CSGALNACT2: variants seen among roughly 807,000 people sequenced by gnomAD.
CSGALNACT2 encodes the protein chondroitin sulfate N-acetylgalactosaminyltransferase 2.
A neutral mutation model predicts 55.3 loss-of-function variants in CSGALNACT2; 35 were observed. The observed-to-expected ratio is 0.63, with a 90% CI of 0.48 to 0.84. The LOEUF (loss-of-function observed/expected upper bound fraction) is 0.84, where lower values mean the gene tolerates loss of function less well. Ranked by LOEUF, CSGALNACT2 falls within the 40% of genes least tolerant of loss-of-function variation. CSGALNACT2 has a pLI of 0.00. For synonymous variants in CSGALNACT2, 196 were observed against 224.9 expected, an observed-to-expected ratio of 0.87 and a Z score of 1.15; for missense variants, 544 against 657.5, an observed-to-expected ratio of 0.83 and a Z score of 1.89.
chr10:43,173,367 G>A (rs1839418742), intron 6 of CSGALNACT2, among the ~76,000 whole-genome samples: 1 of 152,192 alleles, frequency 6.6e-6, no homozygotes, highest in Non-Finnish European at 1.5e-5. Flanking sequence ...GGCATTCTGT[G>A]AGAGGCCAAG....
intron 5 of CSGALNACT2, among the ~76,000 whole-genome samples, chr10:43,165,159 A>G (rs981709879): frequency 2.6e-5 from 4 of 152,102 alleles, no homozygotes; most frequent in Non-Finnish European, 5.9e-5. Flanking sequence ...CAGGAGGCGG[A>G]GCTTGCAGTG....
At chr10:43,151,916 T>G (rs1384018859) in intron 1 of CSGALNACT2, among the ~76,000 whole-genome samples, 1 of 152,214 alleles carries the variant, frequency 6.6e-6, no homozygotes, top group Non-Finnish European at 1.5e-5. Flanking sequence ...GCAGGAAAAG[T>G]TGTTTGTTTG....
At chr10:43,141,106 T>C (rs548974784) in intron 1 of CSGALNACT2, among the ~76,000 whole-genome samples, 1 of 152,136 alleles carries the variant, frequency 6.6e-6, no homozygotes, top group Non-Finnish European at 1.5e-5. Context: ...GGGCCAGGTG[T>C]GGTGGCTCAT....
chr10:43,151,011 A>G (rs183722574), intron 1 of CSGALNACT2, among the ~76,000 whole-genome samples: 37 of 152,294 alleles, frequency 2.4e-4, no homozygotes, highest in Admixed American at 2.4e-3. Flanking sequence ...TTCATCTCAG[A>G]CACTGAAATT....
intron 6 of CSGALNACT2, among the ~76,000 whole-genome samples, chr10:43,175,066 A>T (rs2133150116): frequency 6.6e-6 from 1 of 152,348 alleles, no homozygotes; most frequent in East Asian, 1.9e-4. Flanking sequence ...GGACTTTGGC[A>T]GTTCCAAGCT....
intron 1 of CSGALNACT2, among the ~76,000 whole-genome samples, chr10:43,154,552 C>T (rs1262338954): frequency 2.0e-5 from 3 of 152,100 alleles, no homozygotes; most frequent in Non-Finnish European, 2.9e-5. Context: ...ATGGTGAAAC[C>T]TTGTCTCTAC....
At chr10:43,148,528 T>A (rs1424646408) in intron 1 of CSGALNACT2, among the ~76,000 whole-genome samples, 2 of 152,228 alleles carry the variant, frequency 1.3e-5, no homozygotes, top group East Asian at 3.8e-4. Context: ...GAGTGTGGTG[T>A]CTTTCTGTTT....
chr10:43,149,310 C>G (rs985195731), intron 1 of CSGALNACT2, among the ~76,000 whole-genome samples: 1 of 152,140 alleles, frequency 6.6e-6, no homozygotes, highest in Non-Finnish European at 1.5e-5. Flanking sequence ...TGGTCTCTAT[C>G]TCCTGACCTC....
intron 1 of CSGALNACT2, among the ~76,000 whole-genome samples, chr10:43,150,413 G>A (rs1838852308): frequency 6.6e-6 from 1 of 152,180 alleles, no homozygotes; most frequent in African/African-American, 2.4e-5. Flanking sequence ...TTACAGTACA[G>A]GTATGATGGT....
In CSGALNACT2 at chr10:43,176,047, C is replaced by T. The variant is rs1564520984; in HGVS notation, c.1336+15C>T. On this transcript the variant is annotated intron_variant, in intron 7 of 7. Transcript: ENST00000374466. ...CCTGACCATTGGTAAGTATACTTTA[C>T]ATTTAAGGATAGGACTTTATTTACT... 1 of 1,578,294 alleles carries T rather than the reference C, an allele frequency of 6.3e-7. No individual in the cohort carries two copies. The highest frequency in any genetic ancestry group is 8.6e-7 in the Non-Finnish European group (1 of 1,160,682).
chr10:43,168,391 C>A (rs908235286), intron 6 of CSGALNACT2, among the ~76,000 whole-genome samples: 6 of 151,946 alleles, frequency 3.9e-5, no homozygotes, highest in Non-Finnish European at 7.4e-5. Context: ...GCGGAGGTTG[C>A]AATGAGCCAA....
intron 1 of CSGALNACT2, among the ~76,000 whole-genome samples, chr10:43,145,999 C>G (rs1364230818): frequency 6.6e-6 from 1 of 152,122 alleles, no homozygotes; most frequent in Non-Finnish European, 1.5e-5. Flanking sequence ...AAGACTCTCT[C>G]TCTAAAAAAA....
chr10:43,146,963 C>CTT (rs869040617), intron 1 of CSGALNACT2, among the ~76,000 whole-genome samples: 9 of 87,966 alleles, frequency 1.0e-4, no homozygotes, highest in African/African-American at 3.5e-4. Context: ...TGTTGAGCAT[C>CTT]TTTTTTTTTT....
chr10:43,163,000 C>T (rs1397256168), intron 4 of CSGALNACT2: 8 of 985,096 alleles, frequency 8.1e-6, no homozygotes, highest in East Asian at 1.1e-4. Context: ...TTTAAGATTC[C>T]GTTGACCCTT....
At chr10:43,138,968 A>C (rs1838558741) in intron 1 of CSGALNACT2, among the ~76,000 whole-genome samples, 1 of 151,980 alleles carries the variant, frequency 6.6e-6, no homozygotes, top group Non-Finnish European at 1.5e-5. Flanking sequence ...TGGAGGGCTC[A>C]GTGGGGCGGA....
At chr10:43,164,112 G>C (rs1839210350) in intron 5 of CSGALNACT2, 68 bp downstream of exon 5, 1 of 1,298,740 alleles carries the variant, frequency 7.7e-7, no homozygotes, top group Non-Finnish European at 1.0e-6. Flanking sequence ...CCTATAGTTT[G>C]AATCAAGTGA....
At chr10:43,156,878 G>A (rs1191029741) in intron 2 of CSGALNACT2, among the ~76,000 whole-genome samples, 1 of 152,254 alleles carries the variant, frequency 6.6e-6, no homozygotes, top group Non-Finnish European at 1.5e-5. Context: ...CCACGGACCA[G>A]TAGCGGTCTG....
chr10:43,156,553 A>G (rs1020779809), intron 2 of CSGALNACT2, among the ~76,000 whole-genome samples: 35 of 152,258 alleles, frequency 2.3e-4, no homozygotes, highest in African/African-American at 8.4e-4. Context: ...GCTTGATTCT[A>G]TAAACTGTGT....
At chr10:43,141,042 T>C (rs1437828500) in intron 1 of CSGALNACT2, among the ~76,000 whole-genome samples, 1 of 152,124 alleles carries the variant, frequency 6.6e-6, no homozygotes, top group African/African-American at 2.4e-5. Flanking sequence ...ACATACAGGC[T>C]GCCATGAAAA....
Sources: gnomAD v4.1 joint callset for allele counts (sites outside exome capture counted in the v4.1 genomes callset) on GRCh38, gnomAD v4.1.1 for gene constraint, MANE v1.5 for transcripts, NCBI Gene and HGNC (gene_info 2026-07-23, HGNC 2026-07-21) for gene names.